Variants in GPC6 observed in about 807,000 individuals in gnomAD.
GPC6 encodes glypican-6.
In GPC6, 14 loss-of-function variants were observed where a neutral mutation model predicts 55.2. The ratio of observed to expected loss-of-function variants is 0.25; its 90% confidence interval spans 0.17 to 0.40. GPC6 has a LOEUF of 0.40. Ranked by LOEUF, GPC6 falls within the 10% of genes least tolerant of loss-of-function variation. The pLI is 1.00. For missense variants in GPC6, 641 were observed against 708.5 expected (o/e 0.90, Z 1.08); for synonymous variants, 278 against 259.6 (o/e 1.07, Z -0.68).
intron 2 of GPC6, among the ~76,000 whole-genome samples, chr13:93,599,624 G>A (rs1877926130): frequency 6.6e-6 from 1 of 152,126 alleles, no homozygotes; most frequent in South Asian, 2.1e-4. Flanking sequence ...TAGGAGGGGG[G>A]AAGCAGAGAG....
At chr13:93,389,459 G>C (rs1326440474) in intron 1 of GPC6, among the ~76,000 whole-genome samples, 1 of 149,082 alleles carries the variant, frequency 6.7e-6, no homozygotes, top group Non-Finnish European at 1.5e-5. Context: ...AGCCGAGATC[G>C]CACCACTGCA....
intron 3 of GPC6, among the ~76,000 whole-genome samples, chr13:93,895,234 G>GTGTGTGTATATATATATA (rs1196315147): frequency 9.2e-6 from 1 of 108,208 alleles, no homozygotes; most frequent in Non-Finnish European, 1.9e-5. Context: ...GTGTGTGTGT[G>GTGTGTGTATATATATATA]TATATATATA....
At chr13:93,967,557 C>A (rs910582144) in intron 3 of GPC6, among the ~76,000 whole-genome samples, 4 of 152,100 alleles carry the variant, frequency 2.6e-5, no homozygotes, top group East Asian at 1.9e-4. Flanking sequence ...ATTTGTGATT[C>A]CTGGTGCAAC....
intron 6 of GPC6, among the ~76,000 whole-genome samples, chr13:94,355,897 C>T (rs1038432105): frequency 4.6e-5 from 7 of 152,130 alleles, no homozygotes; most frequent in Non-Finnish European, 7.4e-5. Flanking sequence ...TATTAAACCC[C>T]GCATGCATTA....
chr13:94,401,033 C>G (rs564899231), intron 8 of GPC6, among the ~76,000 whole-genome samples: 1 of 152,222 alleles, frequency 6.6e-6, no homozygotes, highest in South Asian at 2.1e-4. Context: ...ATTGGCAGCA[C>G]TGGGTTTGGT....
chr13:93,958,979 G>A (rs6492683), intron 3 of GPC6, among the ~76,000 whole-genome samples: 151,126 of 152,248 alleles, frequency 0.99, 75,017 homozygotes, highest in Middle Eastern at 1. Context: ...CTCAGCCTGG[G>A]CATTATTGGT....
At chr13:93,775,047 G>A (rs1885422619) in intron 2 of GPC6, among the ~76,000 whole-genome samples, 1 of 152,166 alleles carries the variant, frequency 6.6e-6, no homozygotes, top group Non-Finnish European at 1.5e-5. Flanking sequence ...AGATCTTAAA[G>A]TGCTGCATAT....
chr13:93,324,612 A>ATATATAT (rs1566299683), intron 1 of GPC6, among the ~76,000 whole-genome samples: 2 of 91,488 alleles, frequency 2.2e-5, no homozygotes, highest in Non-Finnish European at 4.8e-5. Flanking sequence ...ATATATATAT[A>ATATATAT]AAATCTCTGA....
chr13:94,230,717 A>G (rs1301369410), intron 4 of GPC6, among the ~76,000 whole-genome samples: 1 of 152,206 alleles, frequency 6.6e-6, no homozygotes, highest in Non-Finnish European at 1.5e-5. Context: ...CAAAAAATGT[A>G]CCTAAAAGTG....
At chr13:94,134,370 G>C (rs1405103386) in intron 4 of GPC6, among the ~76,000 whole-genome samples, 1 of 152,144 alleles carries the variant, frequency 6.6e-6, no homozygotes, top group Non-Finnish European at 1.5e-5. Flanking sequence ...GTACTATTCT[G>C]TCTCTTGAAC....
chr13:93,372,263 G>C (rs1406632059), intron 1 of GPC6, among the ~76,000 whole-genome samples: 1 of 152,118 alleles, frequency 6.6e-6, no homozygotes, highest in African/African-American at 2.4e-5. Context: ...GATATCTTAA[G>C]AGAAGCAGAG....
chr13:93,813,191 A>G (rs1489825772), intron 2 of GPC6, among the ~76,000 whole-genome samples: 1 of 152,160 alleles, frequency 6.6e-6, no homozygotes, highest in Non-Finnish European at 1.5e-5. Context: ...AAAAAATGGA[A>G]TGATTCATAA....
At chr13:93,752,050 G>C (rs1318127256) in intron 2 of GPC6, among the ~76,000 whole-genome samples, 1 of 152,014 alleles carries the variant, frequency 6.6e-6, no homozygotes, top group Non-Finnish European at 1.5e-5. Context: ...AGCATACTGA[G>C]TATAATAGTC....
At chr13:93,596,296 A>T (rs1346007257) in intron 2 of GPC6, among the ~76,000 whole-genome samples, 1 of 152,130 alleles carries the variant, frequency 6.6e-6, no homozygotes, top group Non-Finnish European at 1.5e-5. Flanking sequence ...CCAGAGGCAC[A>T]TAATATAGGA....
intron 1 of GPC6, among the ~76,000 whole-genome samples, chr13:93,341,736 A>G (rs1566308008): frequency 7.2e-6 from 1 of 139,208 alleles, no homozygotes; most frequent in South Asian, 2.3e-4. Flanking sequence ...GACGCTTTTT[A>G]GTTTAATTAG....
intron 3 of GPC6, among the ~76,000 whole-genome samples, chr13:94,019,428 T>C (rs1220716788): frequency 6.6e-6 from 1 of 152,208 alleles, no homozygotes; most frequent in East Asian, 1.9e-4. Context: ...AATCAGATTG[T>C]CAGAAGCCAA....
At chr13:93,298,612 T>C (rs572632775) in intron 1 of GPC6, among the ~76,000 whole-genome samples, 1 of 148,528 alleles carries the variant, frequency 6.7e-6, no homozygotes, top group Admixed American at 6.8e-5. Context: ...TATTTTCTTT[T>C]TTCTTTTTTT....
rs1205581689 is a variant in GPC6, at chr13:93,935,137, G to A, written c.712-92592G>A. 2.6e-5 allele frequency among the ~76,000 whole-genome samples: 4 copies of A among 152,160 alleles called. No individual in the cohort carries two copies. The East Asian group carries it at 5.8e-4, about 22-fold the overall frequency. The stretch of plus-strand genomic sequence containing the variant: ...CTGGTTTTTTTAATTTTAGGTTTGG[G>A]TGGTACATTTGCATGTTTGTTACAT... On this transcript the variant is annotated intron_variant, in intron 3 of 8. Transcript: ENST00000377047.
chr13:94,044,576 A>C (rs554450158), intron 4 of GPC6, among the ~76,000 whole-genome samples: 2 of 151,930 alleles, frequency 1.3e-5, no homozygotes, highest in African/African-American at 4.8e-5. Context: ...CAAATATGCT[A>C]TAATGATTGA....
Sources: gnomAD v4.1 joint callset for allele counts (sites outside exome capture counted in the v4.1 genomes callset) on GRCh38, gnomAD v4.1.1 for gene constraint, MANE v1.5 for transcripts, NCBI Gene and HGNC (gene_info 2026-07-23, HGNC 2026-07-21) for gene names.